Variants in CTNNA3 observed in about 807,000 individuals in gnomAD.
CTNNA3 encodes the protein catenin alpha-3.
A neutral mutation model predicts 95.7 loss-of-function variants in CTNNA3; 76 were observed. The observed-to-expected ratio is 0.79, with a 90% confidence interval of 0.66 to 0.96. The LOEUF is 0.96. Among genes scored for constraint, CTNNA3 ranks in the 40% least tolerant of loss-of-function variants. The probability of loss-of-function intolerance (pLI) is 0.00; values close to 1 mark genes in which losing one functional copy is unlikely to be tolerated. For missense variants in CTNNA3, 1,191 were observed against 1,089.8 expected (o/e 1.09, Z -1.31); for synonymous variants, 431 against 374.4 (o/e 1.15, Z -1.74).
chr10:66,334,425 C>A (rs1449980299), intron 12 of CTNNA3, among the ~76,000 whole-genome samples: 1 of 151,680 alleles, frequency 6.6e-6, no homozygotes, highest in Non-Finnish European at 1.5e-5. Context: ...ACCACCAGGC[C>A]TGGTGGTGAC....
intron 16 of CTNNA3, among the ~76,000 whole-genome samples, chr10:65,970,340 C>G (rs1348132431): frequency 6.6e-6 from 1 of 151,958 alleles, no homozygotes; most frequent in East Asian, 1.9e-4. Flanking sequence ...GTACAGAGCC[C>G]ACAGATCTAT....
At chr10:66,790,479 C>G (rs1261132789) in intron 7 of CTNNA3, among the ~76,000 whole-genome samples, 2 of 151,984 alleles carry the variant, frequency 1.3e-5, no homozygotes, top group Admixed American at 1.3e-4. Context: ...TCTCAATTAA[C>G]AAGTAAAGGT....
chr10:67,613,363 T>C (rs1328022207), intron 2 of CTNNA3, among the ~76,000 whole-genome samples: 1 of 151,530 alleles, frequency 6.6e-6, no homozygotes, highest in East Asian at 1.9e-4. Context: ...CAAACAGTGG[T>C]TTACTGGATG....
chr10:66,354,391 G>A (rs1384319113), intron 12 of CTNNA3, among the ~76,000 whole-genome samples: 2 of 151,618 alleles, frequency 1.3e-5, no homozygotes, highest in African/African-American at 4.8e-5. Context: ...CAACATCAAG[G>A]TATCAAGCTC....
intron 17 of CTNNA3, among the ~76,000 whole-genome samples, chr10:65,961,132 G>A (rs553186379): frequency 1.4e-4 from 22 of 151,776 alleles, no homozygotes; most frequent in Admixed American, 1.4e-3. Flanking sequence ...GCCACTTTAG[G>A]CAGTATATAA....
At chr10:67,004,283 C>T (rs1418094619) in intron 7 of CTNNA3, among the ~76,000 whole-genome samples, 1 of 152,106 alleles carries the variant, frequency 6.6e-6, no homozygotes, top group Non-Finnish European at 1.5e-5. Context: ...AAATTTCTTC[C>T]TGTCTTTAAA....
chr10:67,056,310 G>A (rs1391014705), intron 7 of CTNNA3, among the ~76,000 whole-genome samples: 1 of 152,126 alleles, frequency 6.6e-6, no homozygotes, highest in Non-Finnish European at 1.5e-5. Flanking sequence ...GTTTGGGTGA[G>A]GCAATATTTC....
At chr10:66,507,730 TTTTC>T (rs1840501321) in intron 11 of CTNNA3, among the ~76,000 whole-genome samples, 1 of 152,130 alleles carries the variant, frequency 6.6e-6, no homozygotes, top group African/African-American at 2.4e-5. Flanking sequence ...ATATATTACA[TTTTC>T]TTTATTTATT....
intron 12 of CTNNA3, among the ~76,000 whole-genome samples, chr10:66,350,187 A>G (rs1352364667): frequency 6.6e-6 from 1 of 152,086 alleles, no homozygotes; most frequent in Non-Finnish European, 1.5e-5. Flanking sequence ...TAAATACTTC[A>G]AAGTGTCTTA....
intron 10 of CTNNA3, among the ~76,000 whole-genome samples, chr10:66,616,961 C>T (rs145446399): frequency 4.0e-5 from 6 of 151,818 alleles, no homozygotes; most frequent in African/African-American, 1.2e-4. Context: ...TCATCCCTGC[C>T]CTCTATGAAT....
chr10:66,894,890 G>A (rs1251738928), intron 7 of CTNNA3, among the ~76,000 whole-genome samples: 1 of 151,410 alleles, frequency 6.6e-6, no homozygotes, highest in Non-Finnish European at 1.5e-5. Context: ...TACTAATACT[G>A]TAATTTATGT....
chr10:66,347,667 T>C (rs1023510096), intron 12 of CTNNA3, among the ~76,000 whole-genome samples: 5 of 151,608 alleles, frequency 3.3e-5, no homozygotes, highest in South Asian at 2.1e-4. Flanking sequence ...TGAAGAAATA[T>C]ATATGTTTAA....
intron 5 of CTNNA3, among the ~76,000 whole-genome samples, chr10:67,251,418 C>A (rs1387623932): frequency 6.6e-6 from 1 of 152,070 alleles, no homozygotes; most frequent in Non-Finnish European, 1.5e-5. Context: ...TGTCATACAT[C>A]TCTGTAACTA....
intron 5 of CTNNA3, among the ~76,000 whole-genome samples, chr10:67,323,517 G>C (rs914281493): frequency 1.3e-5 from 2 of 152,116 alleles, no homozygotes; most frequent in African/African-American, 4.8e-5. Context: ...TTGAAGATCA[G>C]ATAGTTGAGG....
chr10:67,473,569 T>C (rs1847905225), intron 5 of CTNNA3, among the ~76,000 whole-genome samples: 1 of 152,226 alleles, frequency 6.6e-6, no homozygotes, highest in Non-Finnish European at 1.5e-5. Context: ...AGAGTCTAAG[T>C]ATACCTTTGC....
chr10:66,338,189 C>T (rs186285914), intron 12 of CTNNA3, among the ~76,000 whole-genome samples: 55 of 151,996 alleles, frequency 3.6e-4, no homozygotes, highest in African/African-American at 1.1e-3. Context: ...AAGTGAGAGA[C>T]GCCAGTCACA....
At chr10:67,431,830 A>C (rs940290030) in intron 5 of CTNNA3, among the ~76,000 whole-genome samples, 1 of 151,980 alleles carries the variant, frequency 6.6e-6, no homozygotes, top group Non-Finnish European at 1.5e-5. Flanking sequence ...CTTTCCAAAA[A>C]TGGAAGCACT....
chr10:66,695,763 G>A (rs1041463204), intron 9 of CTNNA3, among the ~76,000 whole-genome samples: 1 of 151,966 alleles, frequency 6.6e-6, no homozygotes, highest in Non-Finnish European at 1.5e-5. Context: ...CTAGATTCCT[G>A]CTTAAAAATT....
intron 5 of CTNNA3, among the ~76,000 whole-genome samples, chr10:67,473,345 A>G (rs2133034094): frequency 6.6e-6 from 1 of 152,310 alleles, no homozygotes; most frequent in South Asian, 2.1e-4. Flanking sequence ...TGCTTTTCAT[A>G]TATGCTCACG....
Sources: gnomAD v4.1 joint callset for allele counts (sites outside exome capture counted in the v4.1 genomes callset) on GRCh38, gnomAD v4.1.1 for gene constraint, MANE v1.5 for transcripts, NCBI Gene and HGNC (gene_info 2026-07-23, HGNC 2026-07-21) for gene names.